The following PDE4D variants were observed in gnomAD, a reference collection of about 807,000 sequenced individuals.
The protein encoded by PDE4D is phosphodiesterase 4D, also known as 3',5'-cyclic-AMP phosphodiesterase 4D.
In PDE4D, 24 loss-of-function variants were observed where a neutral mutation model predicts 87.4. That is an observed-to-expected ratio of 0.27 (90% CI 0.20 to 0.39). The LOEUF (loss-of-function observed/expected upper bound fraction) is 0.39, where lower values mean the gene tolerates loss of function less well. Among genes scored for constraint, PDE4D ranks in the 10% least tolerant of loss-of-function variants. The pLI is 1.00. For missense variants in PDE4D, 714 were observed against 1,041.0 expected (o/e 0.69, Z 4.32); for synonymous variants, 384 against 383.2 (o/e 1.00, Z -0.02).
At chr5:59,086,855 A>G (rs1291768593) in intron 5 of PDE4D, among the ~76,000 whole-genome samples, 1 of 152,106 alleles carries the variant, frequency 6.6e-6, no homozygotes, top group Non-Finnish European at 1.5e-5. Flanking sequence ...CTTTCATCTG[A>G]ACTCCCTTAG....
intron 1 of PDE4D, among the ~76,000 whole-genome samples, chr5:59,750,140 C>A (rs545389573): frequency 6.8e-6 from 1 of 147,692 alleles, no homozygotes; most frequent in East Asian, 2.0e-4. Flanking sequence ...GTCCACACTG[C>A]CAATACATGT....
chr5:59,000,370 C>T (rs541262246), intron 6 of PDE4D, among the ~76,000 whole-genome samples: 7 of 152,234 alleles, frequency 4.6e-5, no homozygotes, highest in Admixed American at 3.9e-4. Context: ...CAAGTGGCTC[C>T]CTGGTGATGT....
At chr5:59,527,476 G>A (rs1813372341) in intron 1 of PDE4D, among the ~76,000 whole-genome samples, 1 of 152,122 alleles carries the variant, frequency 6.6e-6, no homozygotes, top group South Asian at 2.1e-4. Flanking sequence ...GATAAGAATG[G>A]ATGAAGTTTG....
intron 2 of PDE4D, among the ~76,000 whole-genome samples, chr5:60,029,757 A>T (rs1450385221): frequency 2.0e-5 from 3 of 152,022 alleles, no homozygotes; most frequent in African/African-American, 7.2e-5. Context: ...GTTCTTCCAT[A>T]GCATCAGTTA....
At chr5:59,845,537 T>G (rs1409878190) in intron 1 of PDE4D, among the ~76,000 whole-genome samples, 1 of 152,066 alleles carries the variant, frequency 6.6e-6, no homozygotes, top group Non-Finnish European at 1.5e-5. Flanking sequence ...TATTGGGACA[T>G]CTCAGGAAAT....
intron 1 of PDE4D, among the ~76,000 whole-genome samples, chr5:59,701,667 T>C (rs1304435987): frequency 6.6e-6 from 1 of 152,164 alleles, no homozygotes; most frequent in African/African-American, 2.4e-5. Flanking sequence ...GTGCTGGTTG[T>C]GGAAGGTGAA....
At chr5:60,336,054 A>C (rs989291339) in intron 1 of PDE4D, among the ~76,000 whole-genome samples, 1 of 152,178 alleles carries the variant, frequency 6.6e-6, no homozygotes, top group Non-Finnish European at 1.5e-5. Flanking sequence ...CGAGGAAAAG[A>C]ATGAAGAATT....
At chr5:60,284,446 A>G (rs1024622180) in intron 1 of PDE4D, among the ~76,000 whole-genome samples, 8 of 152,174 alleles carry the variant, frequency 5.3e-5, no homozygotes, top group African/African-American at 1.9e-4. Flanking sequence ...CCCCAAAGTA[A>G]TCAATGCCTG....
At chr5:59,204,853 T>G (rs1748395113) in intron 2 of PDE4D, among the ~76,000 whole-genome samples, 1 of 152,198 alleles carries the variant, frequency 6.6e-6, no homozygotes, top group South Asian at 2.1e-4. Flanking sequence ...GTGCAACAAT[T>G]TTAAAGGTCT....
chr5:60,080,344 T>C lies in PDE4D; in HGVS notation c.43-91627A>G, dbSNP rs578052739. ...TCTACAAACAGAGACAATTTGACTTTCTCTCTTCCTATTTGATCACCCTTT... is the reference window on the plus strand; with the variant it reads ...TCTACAAACAGAGACAATTTGACTTCCTCTCTTCCTATTTGATCACCCTTT... On this transcript the variant is annotated intron_variant, in intron 2 of 16. Transcript: ENST00000502484. 6.6e-5 allele frequency among the ~76,000 whole-genome samples: 10 copies of C among 152,258 alleles called. 2 individuals carry two copies. Among genetic ancestry groups the C allele is most frequent in the East Asian group, 5.8e-4 (3 of 5,174 alleles).
chr5:59,340,098 T>C (rs1037882549), intron 1 of PDE4D, among the ~76,000 whole-genome samples: 1 of 152,186 alleles, frequency 6.6e-6, no homozygotes, highest in African/African-American at 2.4e-5. Context: ...CACTTTTGCA[T>C]TGACTGGCAC....
intron 6 of PDE4D, among the ~76,000 whole-genome samples, chr5:59,006,585 A>G (rs930952414): frequency 2.7e-5 from 4 of 149,304 alleles, no homozygotes; most frequent in African/African-American, 7.3e-5. Context: ...TTGTCTCAAA[A>G]AAGAAAAAAA....
intron 1 of PDE4D, among the ~76,000 whole-genome samples, chr5:59,661,997 T>C (rs1330796888): frequency 6.6e-6 from 1 of 152,202 alleles, no homozygotes; most frequent in Non-Finnish European, 1.5e-5. Flanking sequence ...ACCCATTGTC[T>C]GGTTAGCCAC....
chr5:60,124,728 A>C (rs1778981408), intron 2 of PDE4D, among the ~76,000 whole-genome samples: 1 of 152,140 alleles, frequency 6.6e-6, no homozygotes, highest in East Asian at 1.9e-4. Flanking sequence ...AAAACTCCTC[A>C]AAAGAGTTTT....
intron 2 of PDE4D, among the ~76,000 whole-genome samples, chr5:60,164,081 C>CATT (rs1782692229): frequency 6.6e-6 from 1 of 152,180 alleles, no homozygotes; most frequent in Non-Finnish European, 1.5e-5. Flanking sequence ...ATTTATTCTT[C>CATT]ATTTTGTTCT....
At chr5:59,397,319 T>C (rs10214048) in intron 1 of PDE4D, among the ~76,000 whole-genome samples, 61,082 of 101,062 alleles carry the variant, frequency 0.6, 21,762 homozygotes, top group African/African-American at 0.77. Context: ...AAATTGACCA[T>C]TTACTTGGAA....
chr5:59,493,027 G>A, intron 1 of PDE4D, among the ~76,000 whole-genome samples: 2 of 152,134 alleles, frequency 1.3e-5, no homozygotes. Context: ...TATCAGCAGT[G>A]TGAAAATGGA....
intron 1 of PDE4D, among the ~76,000 whole-genome samples, chr5:60,241,572 T>C (rs895502745): frequency 1.3e-5 from 2 of 152,148 alleles, no homozygotes; most frequent in South Asian, 2.1e-4. Flanking sequence ...AATAGCAGAA[T>C]TGATCCAGCA....
intron 1 of PDE4D, among the ~76,000 whole-genome samples, chr5:59,512,754 T>A (rs1810489493): frequency 6.6e-6 from 1 of 152,032 alleles, no homozygotes; most frequent in Non-Finnish European, 1.5e-5. Context: ...GTAAAAAAAA[T>A]TAGACTAATG....
Sources: allele counts gnomAD v4.1 joint callset (sites outside exome capture counted in the v4.1 genomes callset), GRCh38; gene constraint gnomAD v4.1.1; transcripts MANE v1.5; gene names NCBI Gene and HGNC (gene_info 2026-07-23, HGNC 2026-07-21).